PANK2: variants seen among roughly 807,000 people sequenced by gnomAD.
The protein encoded by PANK2 is pantothenate kinase 2, mitochondrial.
Under a neutral mutation model 43.1 loss-of-function variants are expected in PANK2, and 36 were observed. The observed-to-expected ratio is 0.84, with a 90% CI of 0.64 to 1.10. The LOEUF (loss-of-function observed/expected upper bound fraction) is 1.10. Among genes scored for constraint, PANK2 ranks in the 50% least tolerant of loss-of-function variants. The pLI is 0.00. For synonymous variants in PANK2, 281 were observed against 238.2 expected (o/e 1.18, Z -1.66); for missense variants, 576 against 593.3 (o/e 0.97, Z 0.30).
rs1254545255 is a variant in PANK2 at position 3,925,456 on chromosome 20, A to T, written c.*2162A>T. 2.6e-5 allele frequency: 4 copies of T among 152,230 alleles called. No individual in the cohort carries two copies. The highest frequency in any genetic ancestry group is 9.7e-5 in the African/African-American group (4 of 41,382). The allele number at this position is 152,230 out of a possible 1,614,324, so 9.4% of individuals were successfully genotyped here. A position where few individuals can be genotyped will look rare whatever the true frequency, so the allele number is the denominator to read the frequency against. ...ACCATGATGGCCAGGCTGGTCTCGAACTCCAGACCCCAGGTGATCCGCCTG... is the reference window on the plus strand; with the variant it reads ...ACCATGATGGCCAGGCTGGTCTCGATCTCCAGACCCCAGGTGATCCGCCTG... On this transcript the variant is annotated 3_prime_UTR_variant, in exon 7 of 7. Transcript: ENST00000610179.
chr20:3,913,082 A>C (rs1034702359), intron 4 of PANK2, among the ~76,000 whole-genome samples: 1 of 152,088 alleles, frequency 6.6e-6, no homozygotes, highest in Non-Finnish European at 1.5e-5. Flanking sequence ...GGATTGTGCA[A>C]CCATCACTGT....
chr20:3,917,359 A>G, intron 5 of PANK2: 1 of 490,390 alleles, frequency 2.0e-6, no homozygotes, highest in South Asian at 1.5e-5. Context: ...ACGATGCTGA[A>G]TGTAGACTCC....
At chr20:3,922,223 A>C (rs80155188) in intron 6 of PANK2, among the ~76,000 whole-genome samples, 1 of 152,122 alleles carries the variant, frequency 6.6e-6, no homozygotes, top group East Asian at 1.9e-4. Context: ...ATCTTACCTT[A>C]CAGGTTGGAG....
At chr20:3,923,068 A>C (rs2090671498) in intron 6 of PANK2, among the ~76,000 whole-genome samples, 176 bp from the exon 7 acceptor site, 1 of 152,146 alleles carries the variant, frequency 6.6e-6, no homozygotes, top group Non-Finnish European at 1.5e-5. Flanking sequence ...CCCTCCCCAG[A>C]CAGGGACTCC....
At chr20:3,910,869 C>T (rs772369775) in intron 3 of PANK2, 39 bp downstream of exon 3, 14 of 1,612,120 alleles carry the variant, frequency 8.7e-6, no homozygotes, top group Middle Eastern at 3.3e-4. Flanking sequence ...TTCTTAGTAT[C>T]CTAACGGGCT....
Position 3,893,029 on chromosome 20 carries a change from T to A in PANK2, c.298+3301T>A, listed in dbSNP as rs898275609. Among the ~76,000 whole-genome samples, 3 of 152,202 alleles carry A rather than the reference T, an allele frequency of 2.0e-5. No homozygotes were observed. In the East Asian group the frequency reaches 5.8e-4, roughly 29 times the overall value. On this transcript the variant is annotated intron_variant, in intron 1 of 6. Coordinates refer to ENST00000610179, the MANE Select transcript of PANK2 (RefSeq NM_001386393.1). The stretch of plus-strand genomic sequence containing the variant: ...ATGGAAACCAAGACGCTAATGATGG[T>A]AATGTAGCTACCATTTTCTGAGTGC...
At chr20:3,903,631 A>ATT (rs534545148) in intron 1 of PANK2, among the ~76,000 whole-genome samples, 21 of 133,490 alleles carry the variant, frequency 1.6e-4, no homozygotes, top group Non-Finnish European at 2.9e-4. Flanking sequence ...CGCCCAGCTA[A>ATT]TTTTTTTTTT....
intron 6 of PANK2, chr20:3,921,435 C>A (rs1004762380): frequency 5.9e-5 from 9 of 152,120 alleles, no homozygotes; most frequent in Admixed American, 6.6e-5. Context: ...TTATAACCAC[C>A]TGTTTCTGTC....
intron 1 of PANK2, chr20:3,891,263 G>A (rs1434857394): frequency 6.6e-6 from 1 of 151,976 alleles, no homozygotes; most frequent in African/African-American, 2.4e-5. Flanking sequence ...CTCTTATGTT[G>A]CCCAGGCTGG....
chr20:3,909,656 C>T (rs1487935425), intron 2 of PANK2, among the ~76,000 whole-genome samples: 3 of 152,110 alleles, frequency 2.0e-5, no homozygotes, highest in Admixed American at 6.5e-5. Flanking sequence ...GTGGTGCCAT[C>T]TCAGCTCACT....
chr20:3,913,990 T>A (rs6107370), intron 4 of PANK2, among the ~76,000 whole-genome samples: 1 of 151,308 alleles, frequency 6.6e-6, no homozygotes, highest in African/African-American at 2.4e-5. Context: ...GGGGTTTCAC[T>A]ATGTTGGCCA....
intron 1 of PANK2, among the ~76,000 whole-genome samples, chr20:3,894,799 TAATAAATACTAAGC>T (rs1164008230): frequency 6.6e-6 from 1 of 152,138 alleles, no homozygotes; most frequent in African/African-American, 2.4e-5. Flanking sequence ...CTTAGATATA[TAATAAATACTAAGC>T]AATAAGCAGG....
upstream of PANK2, chr20:3,888,943 AGCGGCCAG>A: frequency 4.2e-5 from 24 of 576,036 alleles, no homozygotes; most frequent in Admixed American, 1.3e-4. Context: ...GCCGACGACC[AGCGGCCAG>A]ACGCTGCGGG....
At chr20:3,920,611 C>CCGAGGTG (rs1389421124) in intron 6 of PANK2, among the ~76,000 whole-genome samples, 2 of 152,138 alleles carry the variant, frequency 1.3e-5, no homozygotes, top group African/African-American at 4.8e-5. Flanking sequence ...CTTTGGGAGG[C>CCGAGGTG]CGAGGTGGGC....
rs185348548 is a variant in PANK2 at position 3,922,326 on chromosome 20, A to G, written c.1333-918A>G. Among the ~76,000 whole-genome samples, 9 of 152,156 alleles carry G rather than the reference A, an allele frequency of 5.9e-5. No individual in the cohort carries two copies. In the East Asian group the frequency reaches 1.5e-3, roughly 26 times the overall value. ...TTATGGGGTTTGCCCCGTTTTCTCT[A>G]ATGTGCTATTCCTGTGTTTTGGTTT... On this transcript the variant is annotated intron_variant, in intron 6 of 6. Coordinates refer to ENST00000610179, the MANE Select transcript of PANK2 (RefSeq NM_001386393.1).
intron 6 of PANK2, among the ~76,000 whole-genome samples, chr20:3,919,328 G>A (rs951540609): frequency 4.6e-5 from 7 of 152,044 alleles, no homozygotes; most frequent in Admixed American, 2.6e-4. Context: ...AAAAACCCTT[G>A]AACATTCCCC....
upstream of PANK2, chr20:3,889,230 C>T (rs1450110937): frequency 6.2e-7 from 1 of 1,613,172 alleles, no homozygotes; most frequent in Non-Finnish European, 8.5e-7. Context: ...CTCCCCGCCC[C>T]GTCACGATAG....
chr20:3,889,152 T>A, upstream of PANK2: 1 of 1,589,396 alleles, frequency 6.3e-7, no homozygotes, highest in Non-Finnish European at 8.6e-7. Flanking sequence ...GGCGCCGCCA[T>A]CACTCTCTTC....
At chr20:3,894,849 C>T (rs2090179432) in intron 1 of PANK2, among the ~76,000 whole-genome samples, 1 of 152,122 alleles carries the variant, frequency 6.6e-6, no homozygotes, top group Admixed American at 6.6e-5. Flanking sequence ...CCTTATGCAG[C>T]TGTGTAAAAT....
Sources: allele counts gnomAD v4.1 joint callset (sites outside exome capture counted in the v4.1 genomes callset), GRCh38; gene constraint gnomAD v4.1.1; transcripts MANE v1.5; gene names NCBI Gene and HGNC (gene_info 2026-07-23, HGNC 2026-07-21).